DACH2: variants seen among roughly 807,000 people sequenced by gnomAD.
DACH2 encodes the protein dachshund homolog 2.
In DACH2, 17 loss-of-function variants were observed where a neutral mutation model predicts 35.8. That is an observed-to-expected ratio of 0.48 (90% CI 0.33 to 0.71). DACH2 has a LOEUF of 0.71. Ranked by LOEUF, DACH2 falls within the 30% of genes least tolerant of loss-of-function variation. The pLI is 0.02. For synonymous variants in DACH2, 195 were observed against 177.3 expected (o/e 1.10, Z -0.79); for missense variants, 469 against 472.7 (o/e 0.99, Z 0.07).
intron 1 of DACH2, among the ~76,000 whole-genome samples, chrX:86,229,108 T>C (rs2032892674): frequency 8.9e-6 from 1 of 111,873 alleles, no homozygotes; most frequent in Admixed American, 9.5e-5. Context: ...AGGTCTTAGG[T>C]TTAAGTCCTT....
rs1201740263 is a variant in DACH2 at position 86,759,579 on chromosome X, AT to A, written c.1240+19698del. ...TTGTTTGTTTTTTTTTTTTTTAAAA[AT>A]CCATTCAGCTAGTCTATATCTTTTA... On this transcript the variant is annotated intron_variant, in intron 7 of 11. Coordinates refer to ENST00000373125, the MANE Select transcript of DACH2 (RefSeq NM_053281.3). 2.8e-5 allele frequency among the ~76,000 whole-genome samples: 3 copies of A among 108,940 alleles called. No homozygotes were observed. In the East Asian group the frequency reaches 8.6e-4, roughly 31 times the overall value. 94.6% of individuals were successfully genotyped at this position (108,940 alleles called of 115,157 possible).
chrX:86,613,864 C>G (rs1240342183), intron 3 of DACH2, among the ~76,000 whole-genome samples: 1 of 111,704 alleles, frequency 9.0e-6, no homozygotes, highest in Non-Finnish European at 1.9e-5. Flanking sequence ...TACTTAAGAT[C>G]TAATTTATAA....
In DACH2 at chrX:86,248,299, G is replaced by A. The variant is rs769954974; in HGVS notation, c.488+99191G>A. Among the ~76,000 whole-genome samples, 7 of 110,946 alleles carry A rather than the reference G, an allele frequency of 6.3e-5. No homozygotes were observed. In the South Asian group the frequency reaches 2.3e-3, roughly 36 times the overall value. On this transcript the variant is annotated intron_variant, in intron 1 of 11. Transcript: ENST00000373125. ...GATTTTATACCTAGAAAACCCCATA[G>A]TTTCTGCTCCAAAGCTCCTAGATCT... is the stretch of plus-strand genomic sequence containing the variant.
intron 3 of DACH2, among the ~76,000 whole-genome samples, chrX:86,542,662 A>G (rs767776664): frequency 9.5e-4 from 107 of 112,078 alleles, no homozygotes; most frequent in Middle Eastern, 9.3e-3. Flanking sequence ...AAAAAGATTA[A>G]GACACAAGGT....
chrX:86,221,175 C>T (rs762241998), intron 1 of DACH2, among the ~76,000 whole-genome samples: 5 of 111,200 alleles, frequency 4.5e-5, no homozygotes, highest in East Asian at 5.7e-4. Flanking sequence ...TTTTCCTCTA[C>T]GAGTTTTATA....
At chrX:86,566,976 G>T (rs893039369) in intron 3 of DACH2, among the ~76,000 whole-genome samples, 2 of 111,758 alleles carry the variant, frequency 1.8e-5, no homozygotes, top group Non-Finnish European at 3.8e-5. Flanking sequence ...TCTTACATAT[G>T]TATGAACTCC....
intron 7 of DACH2, among the ~76,000 whole-genome samples, chrX:86,790,082 C>T (rs7052782): frequency 0.3 from 33,017 of 110,818 alleles, 3,848 homozygotes; most frequent in Middle Eastern, 0.4. Context: ...AGTAGCTTTA[C>T]GTTTTATATG....
chrX:86,594,913 C>T (rs754513624), intron 3 of DACH2, among the ~76,000 whole-genome samples: 17 of 111,069 alleles, frequency 1.5e-4, no homozygotes, highest in Non-Finnish European at 2.1e-4. Context: ...ATTTTTTTAC[C>T]CTTGAAATTT....
chrX:86,355,590 C>T (rs183420238), intron 1 of DACH2, among the ~76,000 whole-genome samples: 6 of 111,349 alleles, frequency 5.4e-5, no homozygotes, highest in African/African-American at 9.8e-5. Flanking sequence ...AGTGCAGTGG[C>T]GCAATTTCAG....
intron 11 of DACH2, 51 bp from the exon 12 acceptor site, chrX:86,832,055 C>G: frequency 2.3e-6 from 2 of 856,508 alleles, no homozygotes; most frequent in Non-Finnish European, 3.4e-6. Context: ...TTTTTAAGCA[C>G]GTATCAGAAT....
chrX:86,458,981 C>A (rs1264194218), intron 2 of DACH2, among the ~76,000 whole-genome samples: 4 of 110,877 alleles, frequency 3.6e-5, no homozygotes, highest in African/African-American at 1.3e-4. Flanking sequence ...AACAAAACTG[C>A]ACGCTCTGCA....
chrX:86,584,478 T>A (rs1168909058), intron 3 of DACH2, among the ~76,000 whole-genome samples: 1 of 111,168 alleles, frequency 9.0e-6, no homozygotes, highest in Non-Finnish European at 1.9e-5. Flanking sequence ...CTTAATATGA[T>A]CCTTCATTCT....
chrX:86,398,305 G>A (rs1267715604), intron 2 of DACH2, among the ~76,000 whole-genome samples: 2 of 112,169 alleles, frequency 1.8e-5, no homozygotes, highest in East Asian at 2.8e-4. Context: ...CTTGCTAGGG[G>A]TCTATCAATT....
chrX:86,426,659 T>A (rs919270116), intron 2 of DACH2, among the ~76,000 whole-genome samples: 2 of 111,378 alleles, frequency 1.8e-5, no homozygotes, highest in African/African-American at 3.3e-5. Context: ...GAGAGGATAA[T>A]TTCCCATCAT....
At chrX:86,645,283 C>G (rs6617252) in intron 3 of DACH2, among the ~76,000 whole-genome samples, 26,259 of 109,901 alleles carry the variant, frequency 0.24, 2,625 homozygotes, top group East Asian at 0.49. Flanking sequence ...AAAAGAAGAC[C>G]TACATGCAGC....
At chrX:86,556,776 A>ATG (rs1205611348) in intron 3 of DACH2, among the ~76,000 whole-genome samples, 1 of 63,586 alleles carries the variant, frequency 1.6e-5, no homozygotes, top group Non-Finnish European at 2.8e-5. Context: ...ATATATATAT[A>ATG]TATATATATA....
intron 1 of DACH2, among the ~76,000 whole-genome samples, chrX:86,162,679 C>T (rs975500990): frequency 4.5e-5 from 5 of 110,716 alleles, no homozygotes; most frequent in African/African-American, 1.6e-4. Context: ...CATTTGTATA[C>T]GTGTTGTATT....
At chrX:86,428,423 T>C (rs946063658) in intron 2 of DACH2, among the ~76,000 whole-genome samples, 7 of 112,054 alleles carry the variant, frequency 6.2e-5, no homozygotes, top group African/African-American at 2.3e-4. Context: ...AAAGTGCTGC[T>C]TTGGTTTTTA....
At chrX:86,742,306 A>C (rs1235735020) in intron 7 of DACH2, among the ~76,000 whole-genome samples, 1 of 110,645 alleles carries the variant, frequency 9.0e-6, no homozygotes, top group African/African-American at 3.3e-5. Flanking sequence ...GAAAATTAAC[A>C]TTTTTCTCTT....
Sources: allele counts gnomAD v4.1 joint callset (sites outside exome capture counted in the v4.1 genomes callset), GRCh38; gene constraint gnomAD v4.1.1; transcripts MANE v1.5; gene names NCBI Gene and HGNC (gene_info 2026-07-23, HGNC 2026-07-21).